The following DNAJA4 variants were observed in gnomAD, a reference collection of about 807,000 sequenced individuals.
The protein encoded by DNAJA4 is DnaJ heat shock protein family (Hsp40) member A4.
Under a neutral mutation model 39.7 loss-of-function variants are expected in DNAJA4, and 32 were observed. The ratio of observed to expected loss-of-function variants is 0.81; its 90% CI spans 0.61 to 1.08. The LOEUF is 1.08. DNAJA4 is among the 50% of genes least tolerant of loss of function. The probability of loss-of-function intolerance (pLI) is 0.00; values close to 1 mark genes in which losing one functional copy is unlikely to be tolerated. For synonymous variants in DNAJA4, 184 were observed against 182.4 expected, an observed-to-expected ratio of 1.01 and a Z score of -0.07; for missense variants, 439 against 505.1, an observed-to-expected ratio of 0.87 and a Z score of 1.25.
rs770532511 is a variant in DNAJA4, at chr15:78,264,842, C to T, written c.79C>T (p.Arg27Trp). ...ASPEEIKKAY[R>W]KLALKYHPDK... ...CCCGGAGGAGATCAAGAAGGCCTAT[C>T]GGAAGCTGGCGCTCAAGTACCACCC... is the stretch of plus-strand genomic sequence containing the variant. The change falls in exon 1 of 7, where the codon CGG (arginine) becomes TGG (tryptophan). Residue 27 changes from arginine to tryptophan, a missense_variant. Transcript: ENST00000394852. 6 of 1,609,350 alleles carry T rather than the reference C, an allele frequency of 3.7e-6. No individual in the cohort carries two copies. The highest frequency in any genetic ancestry group is 3.4e-5 in the Admixed American group (2 of 59,700).
intron 1 of DNAJA4, among the ~76,000 whole-genome samples, chr15:78,268,902 G>T (rs950931130): frequency 6.6e-6 from 1 of 152,172 alleles, no homozygotes; most frequent in African/African-American, 2.4e-5. Context: ...CAGCAGTTGT[G>T]GGGGCTGGGA....
chr15:78,275,389 G>A (rs1287494809), intron 4 of DNAJA4, 109 bp from the exon 5 acceptor site: 1 of 893,230 alleles, frequency 1.1e-6, no homozygotes, highest in Non-Finnish European at 1.7e-6. Context: ...GAGGTTGGGA[G>A]ACTTGATGAA....
chr15:78,264,596 CGCGGGGCGGGGG>C lies in DNAJA4; in HGVS notation c.-162_-151del, dbSNP rs1452548567. On this transcript the variant is annotated 5_prime_UTR_variant, in exon 1 of 7. Transcript: ENST00000394852. ...GAGCCAGGCGTGGAAGTCGGTCCGG[CGCGGGGCGGGGG>C]GCGGGCGGGAGCTACAAGCGGCGGC... 36 of 1,146,022 alleles carry C rather than the reference CGCGGGGCGGGGG, an allele frequency of 3.1e-5. No homozygotes were observed. The East Asian group carries it at 1.3e-3, about 40-fold the overall frequency. 71.0% of individuals were successfully genotyped at this position (1,146,022 alleles called of 1,614,324 possible).
intron 4 of DNAJA4, chr15:78,275,275 C>A (rs1022891510): frequency 1.8e-6 from 1 of 554,160 alleles, no homozygotes; most frequent in Non-Finnish European, 3.2e-6. Flanking sequence ...CGCATTCCCC[C>A]ACTCCCTGTG....
At chr15:78,267,743 C>G (rs996629650) in intron 1 of DNAJA4, among the ~76,000 whole-genome samples, 6 of 152,200 alleles carry the variant, frequency 3.9e-5, no homozygotes, top group African/African-American at 1.4e-4. Flanking sequence ...TGCTTCTTTC[C>G]AAGCTTTCCC....
chr15:78,267,518 G>A (rs893866031), intron 1 of DNAJA4, among the ~76,000 whole-genome samples: 4 of 151,834 alleles, frequency 2.6e-5, no homozygotes, highest in African/African-American at 9.7e-5. Context: ...GTAGGTAGTG[G>A]GTCACCAAGA....
intron 1 of DNAJA4, chr15:78,265,460 C>T (rs562139906): frequency 9.4e-5 from 66 of 702,250 alleles, no homozygotes; most frequent in Middle Eastern, 2.3e-4. Flanking sequence ...AGTGAATAAT[C>T]CCATTTTCTT....
At chr15:78,270,798 C>A in intron 2 of DNAJA4, 121 bp downstream of exon 2, 2 of 1,133,212 alleles carry the variant, frequency 1.8e-6, no homozygotes, top group Non-Finnish European at 2.4e-6. Flanking sequence ...TGGTTCATGT[C>A]TGTAATTTCA....
chr15:78,264,985 G>C, intron 1 of DNAJA4, 90 bp downstream of exon 1: 1 of 1,377,370 alleles, frequency 7.3e-7, no homozygotes, highest in South Asian at 1.4e-5. Context: ...AACCTGAGCC[G>C]CGTTTGTTGG....
intron 5 of DNAJA4, among the ~76,000 whole-genome samples, chr15:78,276,503 C>A (rs1446252330): frequency 6.6e-6 from 1 of 152,194 alleles, no homozygotes; most frequent in Admixed American, 6.5e-5. Flanking sequence ...GTGTGGGCAC[C>A]AGAGCACCTG....
chr15:78,274,449 C>T, intron 4 of DNAJA4, 25 bp downstream of exon 4: 2 of 1,604,708 alleles, frequency 1.2e-6, no homozygotes, highest in Non-Finnish European at 1.7e-6. Flanking sequence ...AGCTGGTGCT[C>T]CACACGGGCT....
upstream of DNAJA4, chr15:78,264,270 G>A: frequency 7.6e-7 from 1 of 1,314,538 alleles, no homozygotes; most frequent in Non-Finnish European, 9.8e-7. Context: ...GACAGTTGTC[G>A]GAGGGCGCCC....
At chr15:78,274,558 T>C in intron 4 of DNAJA4, 134 bp downstream of exon 4, 1 of 763,068 alleles carries the variant, frequency 1.3e-6, no homozygotes. Context: ...GAATTCCTCT[T>C]GTTTCCCAGT....
chr15:78,267,047 C>G (rs907635169), intron 1 of DNAJA4, among the ~76,000 whole-genome samples: 1 of 152,112 alleles, frequency 6.6e-6, no homozygotes, highest in Non-Finnish European at 1.5e-5. Context: ...AGAGCTCATT[C>G]ATTCATTCAT....
intron 3 of DNAJA4, 109 bp from the exon 4 acceptor site, chr15:78,274,087 TA>T: frequency 1.1e-6 from 1 of 877,012 alleles, no homozygotes. Flanking sequence ...AATAGAATTC[TA>T]AGCCCATTGT....
intron 4 of DNAJA4, chr15:78,275,172 C>T: frequency 3.0e-6 from 1 of 331,132 alleles, no homozygotes; most frequent in Non-Finnish European, 5.6e-6. Context: ...GTCATGCACC[C>T]TGTGCCCCGG....
chr15:78,277,070 GT>G (rs2049485666), intron 5 of DNAJA4, among the ~76,000 whole-genome samples: 1 of 152,330 alleles, frequency 6.6e-6, no homozygotes, highest in East Asian at 1.9e-4. Context: ...CTTACAAGAA[GT>G]TGTAAATATA....
At chr15:78,271,035 G>A (rs2049280690) in intron 2 of DNAJA4, among the ~76,000 whole-genome samples, 1 of 150,374 alleles carries the variant, frequency 6.7e-6, no homozygotes, top group Non-Finnish European at 1.5e-5. Context: ...TGCACGGCAG[G>A]GTGAGACCCT....
rs1000909588 is a variant in DNAJA4, at chr15:78,271,998, A to G, written c.314-1097A>G. Among the ~76,000 whole-genome samples the G allele has an allele frequency of 7.9e-5, 12 of 152,260 alleles. No homozygotes were observed. In the East Asian group the frequency reaches 2.3e-3, roughly 29 times the overall value. On this transcript the variant is annotated intron_variant, in intron 2 of 6. Transcript: ENST00000394852. ...GTGAACATAGAGTGCTGAAAATCAC[A>G]AAGTGTTTATTAGGGAAAAATCCTT...
Sources: allele counts gnomAD v4.1 joint callset (sites outside exome capture counted in the v4.1 genomes callset), GRCh38; gene constraint gnomAD v4.1.1; transcripts MANE v1.5; gene names NCBI Gene and HGNC (gene_info 2026-07-23, HGNC 2026-07-21).